TMTC2: variants seen among roughly 807,000 people sequenced by gnomAD.
TMTC2 encodes transmembrane O-mannosyltransferase targeting cadherins 2.
Under a neutral mutation model 82.4 loss-of-function variants are expected in TMTC2, and 43 were observed. The ratio of observed to expected loss-of-function variants is 0.52; its 90% CI spans 0.41 to 0.67. TMTC2 has a LOEUF of 0.67. Ranked by LOEUF, TMTC2 falls within the 30% of genes least tolerant of loss-of-function variation. TMTC2 has a pLI of 0.00. For missense variants in TMTC2, 919 were observed against 1,012.4 expected (o/e 0.91, Z 1.25); for synonymous variants, 408 against 381.9 (o/e 1.07, Z -0.80).
intron 8 of TMTC2, among the ~76,000 whole-genome samples, chr12:83,013,510 A>T (rs560877502): frequency 6.6e-6 from 1 of 152,280 alleles, no homozygotes; most frequent in Admixed American, 6.5e-5. Flanking sequence ...TGCTGGATAT[A>T]ATGCCTTCTT....
At chr12:82,880,540 C>G (rs571633272) in intron 2 of TMTC2, among the ~76,000 whole-genome samples, 3 of 152,304 alleles carry the variant, frequency 2.0e-5, no homozygotes, top group East Asian at 1.9e-4. Flanking sequence ...GCCAGAGATT[C>G]CAGTCAGTTA....
At position 83,050,977 on chromosome 12, in the gene TMTC2, C is replaced by A; in HGVS notation, c.2226C>A (p.Ser742Arg). Residue 742 changes from serine to arginine, a missense_variant, in exon 10 of 12, where the codon AGC becomes AGA. Ser to Arg is a moderately radical substitution (Grantham distance 110, BLOSUM62 -1). Transcript: ENST00000321196. ...EMAKKAAELD[S>R]TEFDVVFNAA... ...CAAAAAAAGCAGCTGAACTAGACAGCACAGAGTTTGATGTTGTCTTCAATG... is the reference window on the plus strand; with the variant it reads ...CAAAAAAAGCAGCTGAACTAGACAGAACAGAGTTTGATGTTGTCTTCAATG... 6.2e-7 allele frequency: 1 copy of A among 1,612,822 alleles called. No individual in the cohort carries two copies. Among genetic ancestry groups the A allele is most frequent in the Non-Finnish European group, 8.5e-7 (1 of 1,179,228 alleles).
rs139774912 is a variant in TMTC2, at chr12:82,928,867, A to G, written c.1484-1564A>G. Among the ~76,000 whole-genome samples the G allele has an allele frequency of 5.3e-3, 804 of 152,282 alleles. 8 individuals carry two copies. Among genetic ancestry groups the G allele is most frequent in the African/African-American group, 0.019 (780 of 41,556 alleles). On this transcript the variant is annotated intron_variant, in intron 3 of 11. Coordinates refer to ENST00000321196, the MANE Select transcript of TMTC2 (RefSeq NM_152588.3). Reference sequence around the variant, plus strand: ...CCTCTGTTTTCCATTGGAAGCAAAGAAGGTATATGACTTTGCAAACGTGAA... The same window carrying G: ...CCTCTGTTTTCCATTGGAAGCAAAGGAGGTATATGACTTTGCAAACGTGAA...
intron 1 of TMTC2, among the ~76,000 whole-genome samples, chr12:82,833,339 C>T (rs1448907959): frequency 2.0e-5 from 3 of 152,056 alleles, no homozygotes; most frequent in Non-Finnish European, 4.4e-5. Flanking sequence ...AGCCTTATTG[C>T]AGTTTATGGC....
At chr12:82,727,237 CT>C (rs1874505495) in intron 1 of TMTC2, among the ~76,000 whole-genome samples, 1 of 152,002 alleles carries the variant, frequency 6.6e-6, no homozygotes, top group Non-Finnish European at 1.5e-5. Context: ...TTCTTCTAGT[CT>C]TTTTTCCTTT....
chr12:83,040,441 T>C (rs1881845052), intron 9 of TMTC2, among the ~76,000 whole-genome samples: 1 of 152,012 alleles, frequency 6.6e-6, no homozygotes, highest in Admixed American at 6.6e-5. Context: ...GAGAAGTTAG[T>C]AAAAAGAAAA....
chr12:82,901,310 CT>C (rs1275831506), intron 3 of TMTC2, among the ~76,000 whole-genome samples: 37 of 99,604 alleles, frequency 3.7e-4, no homozygotes, highest in Admixed American at 2.0e-3. Flanking sequence ...ATTTTTTTTT[CT>C]TTTTTTTTTT....
At chr12:83,097,733 T>C (rs1298006816) in intron 11 of TMTC2, among the ~76,000 whole-genome samples, 2 of 152,226 alleles carry the variant, frequency 1.3e-5, no homozygotes, top group Non-Finnish European at 2.9e-5. Context: ...GTATAATCAC[T>C]CTTTAGCTCC....
intron 8 of TMTC2, among the ~76,000 whole-genome samples, chr12:83,004,839 G>A (rs1481443513): frequency 6.8e-6 from 1 of 146,936 alleles, no homozygotes; most frequent in Non-Finnish European, 1.5e-5. Flanking sequence ...GCTGGCAGGC[G>A]CGAAGCAGGG....
intron 1 of TMTC2, among the ~76,000 whole-genome samples, chr12:82,828,211 CTTTTTTT>C (rs58399725): frequency 9.1e-6 from 1 of 109,664 alleles, no homozygotes; most frequent in East Asian, 2.5e-4. Flanking sequence ...TTTTCTTTGG[CTTTTTTT>C]TTTTTTTTTT....
rs977647664 is a variant in TMTC2 at position 82,785,366 on chromosome 12, G to A, written c.84-71644G>A. On this transcript the variant is annotated intron_variant, in intron 1 of 11. Coordinates refer to ENST00000321196, the MANE Select transcript of TMTC2 (RefSeq NM_152588.3). ...CAAAATAAACAAACAACCCCCCCCC[G>A]TCCCCCCCAAACACAAAAGAAACAA... Among the ~76,000 whole-genome samples the A allele has an allele frequency of 2.2e-3, 86 of 38,274 alleles. 1 individual carries two copies. The highest frequency in any genetic ancestry group is 9.2e-3 in the East Asian group (9 of 980). The allele number at this position is 38,274 out of a possible 152,430, so 25.1% of individuals were successfully genotyped here.
At chr12:82,761,643 G>A (rs980595076) in intron 1 of TMTC2, among the ~76,000 whole-genome samples, 9 of 152,042 alleles carry the variant, frequency 5.9e-5, no homozygotes, top group African/African-American at 1.9e-4. Flanking sequence ...CCTCCTTATG[G>A]TGTCTCTTTT....
At chr12:82,731,133 G>A (rs1049262262) in intron 1 of TMTC2, among the ~76,000 whole-genome samples, 1 of 152,168 alleles carries the variant, frequency 6.6e-6, no homozygotes, top group Admixed American at 6.6e-5. Context: ...AAAAAAAATC[G>A]AGTATTGGCT....
intron 7 of TMTC2, 29 bp from the exon 8 acceptor site, chr12:82,985,896 T>A: frequency 6.2e-7 from 1 of 1,607,990 alleles, no homozygotes; most frequent in East Asian, 2.2e-5. Context: ...TATCCTCCCT[T>A]TGACCTTCAT....
intron 8 of TMTC2, among the ~76,000 whole-genome samples, chr12:83,022,364 C>T (rs10862549): frequency 7.2e-5 from 4 of 55,630 alleles, no homozygotes; most frequent in Admixed American, 2.6e-4. Flanking sequence ...ACATAACCCT[C>T]CCCCCTCCCC....
chr12:83,127,726 C>G lies in TMTC2; in HGVS notation c.2332-4484C>G, dbSNP rs143173046. Among the ~76,000 whole-genome samples, 65 of 152,168 alleles carry G rather than the reference C, an allele frequency of 4.3e-4. 1 individual carries two copies. The East Asian group carries it at 0.011, about 26-fold the overall frequency. On this transcript the variant is annotated intron_variant, in intron 11 of 11. Coordinates refer to ENST00000321196, the MANE Select transcript of TMTC2 (RefSeq NM_152588.3). ...CTGTGTGTTCACAATACCCTGTGAGCTCAGCTGCATTCCTTGAGAGTCTCA... is the reference window on the plus strand; with the variant it reads ...CTGTGTGTTCACAATACCCTGTGAGGTCAGCTGCATTCCTTGAGAGTCTCA...
At chr12:83,007,751 T>A (rs931064403) in intron 8 of TMTC2, among the ~76,000 whole-genome samples, 6 of 152,220 alleles carry the variant, frequency 3.9e-5, no homozygotes, top group African/African-American at 1.4e-4. Context: ...TAGATCCAAG[T>A]CTCTGATATC....
intron 1 of TMTC2, among the ~76,000 whole-genome samples, chr12:82,786,311 C>T (rs1878172931): frequency 6.6e-6 from 1 of 152,030 alleles, no homozygotes; most frequent in South Asian, 2.1e-4. Context: ...AATGATTAGT[C>T]TCCCCTCCCC....
At chr12:82,852,100 TC>T (rs1871004688) in intron 1 of TMTC2, among the ~76,000 whole-genome samples, 1 of 141,430 alleles carries the variant, frequency 7.1e-6, no homozygotes, top group African/African-American at 3.1e-5. Context: ...TCAGAAACTA[TC>T]TTTTTTTTTT....
Sources: gnomAD v4.1 joint callset for allele counts (sites outside exome capture counted in the v4.1 genomes callset) on GRCh38, gnomAD v4.1.1 for gene constraint, MANE v1.5 for transcripts, NCBI Gene and HGNC (gene_info 2026-07-23, HGNC 2026-07-21) for gene names.